The following BEND3 variants were observed in gnomAD, a reference collection of about 807,000 sequenced individuals.
BEND3 encodes the protein BEN domain-containing protein 3.
In BEND3, 13 loss-of-function variants were observed where a neutral mutation model predicts 60.1. That is an observed-to-expected ratio of 0.22 (90% CI 0.14 to 0.34). BEND3 has a LOEUF of 0.34. Ranked by LOEUF, BEND3 falls within the 10% of genes least tolerant of loss-of-function variation. The probability of loss-of-function intolerance (pLI) is 1.00; values close to 1 mark genes in which losing one functional copy is unlikely to be tolerated. For synonymous variants in BEND3, 497 were observed against 491.5 expected (o/e 1.01, Z -0.15); for missense variants, 896 against 1,138.1 (o/e 0.79, Z 3.06).
intron 3 of BEND3, among the ~76,000 whole-genome samples, chr6:107,081,588 A>G (rs1775235180): frequency 6.6e-6 from 1 of 152,144 alleles, no homozygotes; most frequent in Non-Finnish European, 1.5e-5. Context: ...TCTGTATCCT[A>G]TCTACTAAAA....
chr6:107,112,970 A>C lies in BEND3; in HGVS notation c.-12+2120T>G, dbSNP rs145097243. Reference sequence around the variant, plus strand: ...TCAGGAGATTGAGACCATCCTGGCTAACACGGTGAAAGCCCGTCTCTATTA... The same window carrying C: ...TCAGGAGATTGAGACCATCCTGGCTCACACGGTGAAAGCCCGTCTCTATTA... On this transcript the variant is annotated intron_variant, in intron 1 of 3. Transcript: ENST00000369042. 6.5e-3 allele frequency among the ~76,000 whole-genome samples: 987 copies of C among 151,136 alleles called. 18 individuals are homozygous for C. The highest frequency in any genetic ancestry group is 0.024 in the African/African-American group (965 of 41,036).
At chr6:107,094,035 T>C (rs1046606684) in intron 3 of BEND3, among the ~76,000 whole-genome samples, 1 of 152,172 alleles carries the variant, frequency 6.6e-6, no homozygotes, top group Non-Finnish European at 1.5e-5. Context: ...TCAAAATATA[T>C]GAAGAACTCT....
intron 1 of BEND3, among the ~76,000 whole-genome samples, chr6:107,110,500 C>A (rs1005845528): frequency 6.6e-6 from 1 of 152,136 alleles, no homozygotes; most frequent in Non-Finnish European, 1.5e-5. Flanking sequence ...AAGAGACTGT[C>A]AGAGCAAGGT....
chr6:107,083,228 T>C (rs958960034), intron 3 of BEND3, among the ~76,000 whole-genome samples: 1 of 152,140 alleles, frequency 6.6e-6, no homozygotes, highest in African/African-American at 2.4e-5. Flanking sequence ...GAAACTGCCA[T>C]CCAGGCGTGA....
intron 3 of BEND3, among the ~76,000 whole-genome samples, chr6:107,094,621 C>CATAA (rs144954565): frequency 0.047 from 6,627 of 139,730 alleles, 174 homozygotes; most frequent in Non-Finnish European, 0.056. Flanking sequence ...AACTCCATCT[C>CATAA]ATAAATAAAT....
chr6:107,099,583 C>T (rs1340292352), intron 1 of BEND3, among the ~76,000 whole-genome samples: 1 of 152,184 alleles, frequency 6.6e-6, no homozygotes, highest in East Asian at 1.9e-4. Context: ...ATTACAAGAA[C>T]AAATCAACTC....
intron 3 of BEND3, among the ~76,000 whole-genome samples, chr6:107,086,177 G>A (rs190501886): frequency 3.9e-5 from 6 of 152,282 alleles, no homozygotes; most frequent in Non-Finnish European, 7.4e-5. Flanking sequence ...CTGACCAGAA[G>A]GGAGATACCC....
chr6:107,078,248 T>A (rs1775140128), intron 3 of BEND3, among the ~76,000 whole-genome samples: 1 of 152,052 alleles, frequency 6.6e-6, no homozygotes, highest in Admixed American at 6.5e-5. Context: ...GCTCCCCACT[T>A]TGCCCTCCTG....
intron 3 of BEND3, among the ~76,000 whole-genome samples, chr6:107,091,298 CA>C (rs1187154802): frequency 5.3e-5 from 8 of 149,966 alleles, no homozygotes; most frequent in African/African-American, 1.2e-4. Flanking sequence ...AGAAAAGAAA[CA>C]AAAAAAAATT....
intron 3 of BEND3, among the ~76,000 whole-genome samples, chr6:107,090,620 G>A (rs1368227215): frequency 6.6e-6 from 1 of 152,168 alleles, no homozygotes; most frequent in African/African-American, 2.4e-5. Context: ...ATAAATGAGT[G>A]ACAGCAATAA....
At chr6:107,090,680 C>T (rs1775457404) in intron 3 of BEND3, among the ~76,000 whole-genome samples, 1 of 152,042 alleles carries the variant, frequency 6.6e-6, no homozygotes, top group Non-Finnish European at 1.5e-5. Flanking sequence ...TTATAAGGTA[C>T]TCACACCACT....
At chr6:107,107,759 G>C (rs1360085039) in intron 1 of BEND3, among the ~76,000 whole-genome samples, 1 of 152,208 alleles carries the variant, frequency 6.6e-6, no homozygotes, top group East Asian at 1.9e-4. Context: ...ATCCCGCCCA[G>C]CCTAAAGTAC....
chr6:107,088,361 T>C (rs991304570), intron 3 of BEND3, among the ~76,000 whole-genome samples: 1 of 152,134 alleles, frequency 6.6e-6, no homozygotes, highest in Non-Finnish European at 1.5e-5. Flanking sequence ...CAAAGGGTGT[T>C]ACATATACAC....
At chr6:107,091,487 C>T (rs572146936) in intron 3 of BEND3, among the ~76,000 whole-genome samples, 26 of 152,002 alleles carry the variant, frequency 1.7e-4, no homozygotes, top group Non-Finnish European at 3.4e-4. Context: ...CACTACAGGC[C>T]CCATGGACAT....
Position 107,068,728 on chromosome 6 carries a change from C to T in BEND3, c.2463G>A (p.Lys821=). ...TTCACTTCTCCACTTTCTTTGCTTT[C>T]TTGAGGATGTCGCATTTTTTCCTGT... is the stretch of plus-strand genomic sequence containing the variant. ...RPNRKKCDIL[K]KAKKVEK is the part of the protein sequence containing the mutation. Residue 821 remains lysine, a synonymous_variant, in exon 4 of 4, where the codon AAG becomes AAA. Coordinates refer to ENST00000369042, the MANE Select transcript of BEND3 (RefSeq NM_001367314.1). This position sits in a 1 kb window ranked among gnomAD's most constrained non-coding sequence, Gnocchi z 5.8. 6.2e-7 allele frequency: 1 copy of T among 1,613,690 alleles called. No homozygotes were observed.
chr6:107,109,181 G>A (rs1227955611), intron 1 of BEND3, among the ~76,000 whole-genome samples: 3 of 151,866 alleles, frequency 2.0e-5, no homozygotes, highest in African/African-American at 7.2e-5. Context: ...TGGGCGTGGT[G>A]GCTCATGCCT....
chr6:107,091,898 A>C (rs1412795378), intron 3 of BEND3, among the ~76,000 whole-genome samples: 1 of 152,210 alleles, frequency 6.6e-6, no homozygotes, highest in Non-Finnish European at 1.5e-5. Flanking sequence ...AAAACCCTCA[A>C]TAAAACATTA....
intron 1 of BEND3, chr6:107,113,830 C>A (rs1192876774): frequency 6.6e-6 from 1 of 152,162 alleles, no homozygotes; most frequent in Admixed American, 6.6e-5. Flanking sequence ...AGAAAGTCCT[C>A]CATCCCAGCC....
chr6:107,085,496 T>A (rs1201000267), intron 3 of BEND3, among the ~76,000 whole-genome samples: 1 of 152,118 alleles, frequency 6.6e-6, no homozygotes, highest in African/African-American at 2.4e-5. Context: ...TTTATTTATT[T>A]TTTATTTTTT....
Sources: allele counts gnomAD v4.1 joint callset (sites outside exome capture counted in the v4.1 genomes callset), GRCh38; gene constraint gnomAD v4.1.1; non-coding constraint Gnocchi (gnomAD v3.1); transcripts MANE v1.5; gene names NCBI Gene and HGNC (gene_info 2026-07-23, HGNC 2026-07-21).